Variants in MPP7 observed in about 807,000 individuals in gnomAD.
MPP7 encodes MAGUK p55 subfamily member 7.
Under a neutral mutation model 76.5 loss-of-function variants are expected in MPP7, and 60 were observed. That is an observed-to-expected ratio of 0.78 (90% CI 0.64 to 0.97). The LOEUF is 0.97. MPP7 is among the 50% of genes least tolerant of loss of function. The pLI is 0.00. For missense variants in MPP7, 641 were observed against 694.0 expected, an observed-to-expected ratio of 0.92 and a Z score of 0.86; for synonymous variants, 237 against 244.5, an observed-to-expected ratio of 0.97 and a Z score of 0.29.
chr10:28,059,853 A>C (rs959019018), intron 13 of MPP7, 110 bp from the exon 14 acceptor site: 3 of 736,228 alleles, frequency 4.1e-6, no homozygotes, highest in Non-Finnish European at 6.8e-6. Flanking sequence ...GGATTTAAAA[A>C]TGTATTTAAA....
chr10:28,276,432 A>C lies in MPP7; in HGVS notation c.-132+26429T>G, dbSNP rs890045738. Among the ~76,000 whole-genome samples the C allele has an allele frequency of 7.2e-5, 11 of 152,246 alleles. No homozygotes were observed. The East Asian group carries it at 1.9e-3, about 27-fold the overall frequency. On this transcript the variant is annotated intron_variant, in intron 1 of 16. Coordinates refer to ENST00000683449, the MANE Select transcript of MPP7 (RefSeq NM_001318170.2). ...ATTGGTTAGGCTACCAAAGTAATCT[A>C]ATATAGTCCAGCCCAGATGGGATTT...
At chr10:28,326,958 G>A (rs1834421783) in intron 2 of MPP7, among the ~76,000 whole-genome samples, 1 of 152,200 alleles carries the variant, frequency 6.6e-6, no homozygotes, top group Non-Finnish European at 1.5e-5. Context: ...ACTCAGCCAT[G>A]ACAATGAACG....
intron 3 of MPP7, among the ~76,000 whole-genome samples, chr10:28,151,928 A>G (rs1027490581): frequency 4.6e-5 from 7 of 152,206 alleles, no homozygotes; most frequent in Non-Finnish European, 1.0e-4. Context: ...GGAAAGATAT[A>G]TAACAAATCG....
At chr10:28,253,230 G>A (rs147622801) in intron 1 of MPP7, among the ~76,000 whole-genome samples, 1 of 152,084 alleles carries the variant, frequency 6.6e-6, no homozygotes, top group African/African-American at 2.4e-5. Flanking sequence ...TTAAAGATCA[G>A]AATGGTTTTT....
chr10:28,152,380 A>C (rs775952655), intron 3 of MPP7, among the ~76,000 whole-genome samples: 4 of 152,244 alleles, frequency 2.6e-5, no homozygotes, highest in Admixed American at 6.5e-5. Context: ...ATTTACTCTA[A>C]ATAATTTTGA....
intron 3 of MPP7, among the ~76,000 whole-genome samples, chr10:28,175,257 T>A (rs185724183): frequency 6.6e-6 from 1 of 150,990 alleles, no homozygotes; most frequent in African/African-American, 2.4e-5. Context: ...ATCATTGCAC[T>A]CCAGCCTGGG....
intron 2 of MPP7, among the ~76,000 whole-genome samples, chr10:28,328,223 G>T (rs1330521968): frequency 6.6e-6 from 1 of 152,026 alleles, no homozygotes; most frequent in East Asian, 1.9e-4. Context: ...ACATGCGAAG[G>T]TTCAATGTTC....
At chr10:28,207,516 T>C (rs970776314) in intron 2 of MPP7, among the ~76,000 whole-genome samples, 2 of 151,908 alleles carry the variant, frequency 1.3e-5, no homozygotes, top group Admixed American at 1.3e-4. Context: ...AGACCCTGTC[T>C]ATATAAAAAA....
chr10:28,153,040 G>A (rs1000845748), intron 3 of MPP7, among the ~76,000 whole-genome samples: 1 of 152,096 alleles, frequency 6.6e-6, no homozygotes, highest in Non-Finnish European at 1.5e-5. Flanking sequence ...GATCACTTGA[G>A]GTCAGGAGTA....
intron 1 of MPP7, among the ~76,000 whole-genome samples, chr10:28,264,572 G>A (rs895989094): frequency 2.7e-5 from 4 of 147,390 alleles, no homozygotes; most frequent in African/African-American, 1.0e-4. Context: ...GCCTCAGGGA[G>A]CTTTTTTTTT....
At chr10:28,109,863 A>AAAAAAAAAAAAAAAAAC (rs1834445245) in intron 11 of MPP7, among the ~76,000 whole-genome samples, 2 of 149,480 alleles carry the variant, frequency 1.3e-5, no homozygotes, top group Non-Finnish European at 3.0e-5. Context: ...AAAAAAAAAA[A>AAAAAAAAAAAAAAAAAC]AAAAAAAAAA....
intron 14 of MPP7, among the ~76,000 whole-genome samples, chr10:28,058,923 CA>C (rs1331056228): frequency 6.6e-6 from 1 of 152,110 alleles, no homozygotes; most frequent in Non-Finnish European, 1.5e-5. Context: ...ATAAGCCAAA[CA>C]ATAGAAACTA....
chr10:28,131,805 C>T (rs1276141837), intron 5 of MPP7, 114 bp from the exon 6 acceptor site: 13 of 435,840 alleles, frequency 3.0e-5, no homozygotes, highest in East Asian at 1.0e-4. Flanking sequence ...AACAGTGTTA[C>T]GGTTTTGACA....
At position 28,120,583 on chromosome 10, in the gene MPP7, G is replaced by A. The variant is rs1206243062; in HGVS notation, c.690+11C>T. 6.2e-7 allele frequency: 1 copy of A among 1,611,568 alleles called. No homozygotes were observed. The highest frequency in any genetic ancestry group is 8.5e-7 in the Non-Finnish European group (1 of 1,178,052). ...CCCACGCACGAAGAAATGTTTTTAAGCAATAATTACCTTGCCTTCTTTTGA... is the reference window on the plus strand; with the variant it reads ...CCCACGCACGAAGAAATGTTTTTAAACAATAATTACCTTGCCTTCTTTTGA... On this transcript the variant is annotated intron_variant, in intron 9 of 16. Transcript: ENST00000683449.
chr10:28,256,254 G>A (rs1337529757), intron 1 of MPP7, among the ~76,000 whole-genome samples: 2 of 149,554 alleles, frequency 1.3e-5, no homozygotes, highest in Non-Finnish European at 3.0e-5. Flanking sequence ...GACCTATGCA[G>A]ATGCTGTAGC....
intron 1 of MPP7, among the ~76,000 whole-genome samples, chr10:28,297,693 C>T (rs534052848): frequency 4.7e-4 from 72 of 151,956 alleles, no homozygotes; most frequent in African/African-American, 1.5e-3. Context: ...AGCGAGACTC[C>T]GTCTCAAAAA....
chr10:28,091,335 T>A (rs575226814), intron 11 of MPP7, among the ~76,000 whole-genome samples: 1 of 151,326 alleles, frequency 6.6e-6, no homozygotes, highest in African/African-American at 2.4e-5. Context: ...TTGTCCAGGC[T>A]AGAGTGCAAT....
intron 2 of MPP7, among the ~76,000 whole-genome samples, chr10:28,321,821 G>A (rs952961040): frequency 6.6e-6 from 1 of 152,070 alleles, no homozygotes; most frequent in African/African-American, 2.4e-5. Flanking sequence ...CCTGGCCTCA[G>A]GTGATCCACC....
At chr10:28,106,241 C>G (rs954765373) in intron 11 of MPP7, among the ~76,000 whole-genome samples, 1 of 152,136 alleles carries the variant, frequency 6.6e-6, no homozygotes, top group African/African-American at 2.4e-5. Context: ...CGGAATTGAT[C>G]GCTAAAACTG....
Sources: gnomAD v4.1 joint callset for allele counts (sites outside exome capture counted in the v4.1 genomes callset) on GRCh38, gnomAD v4.1.1 for gene constraint, MANE v1.5 for transcripts, NCBI Gene and HGNC (gene_info 2026-07-23, HGNC 2026-07-21) for gene names.